The following PCDHGB1 variants were observed in gnomAD, a reference collection of about 807,000 sequenced individuals.
PCDHGB1 encodes protocadherin gamma-B1.
PCDHGB1 carries 34 observed loss-of-function variants against 56.6 expected under a neutral mutation model. The ratio of observed to expected loss-of-function variants is 0.60; its 90% CI spans 0.46 to 0.80. PCDHGB1 has a LOEUF of 0.80. Ranked by LOEUF, PCDHGB1 falls within the 30% of genes least tolerant of loss-of-function variation. The pLI, the probability that PCDHGB1 is intolerant of heterozygous loss-of-function variation, is 0.00. For synonymous variants in PCDHGB1, 561 were observed against 505.9 expected (o/e 1.11, Z -1.46); for missense variants, 1,278 against 1,204.6 (o/e 1.06, Z -0.90).
chr5:141,432,561 A>C lies in PCDHGB1; in HGVS notation c.2410-62246A>C, dbSNP rs746684751. On this transcript the variant is annotated intron_variant, in intron 1 of 3. Transcript: ENST00000523390. This position sits in a 1 kb window ranked among gnomAD's most constrained non-coding sequence, Gnocchi z 6.0. Reference sequence around the variant, plus strand: ...GCGGTGGACAGAGACTCCGGCCAGAACGCCTGGCTGTCCTACCGTCTGCTC... The same window carrying C: ...GCGGTGGACAGAGACTCCGGCCAGACCGCCTGGCTGTCCTACCGTCTGCTC... 37 of 1,613,308 alleles carry C rather than the reference A, an allele frequency of 2.3e-5. 1 individual carries two copies. The highest frequency in any genetic ancestry group is 2.7e-5 in the African/African-American group (2 of 74,712).
chr5:141,395,420 T>A, intron 1 of PCDHGB1: 1 of 771,734 alleles, frequency 1.3e-6, no homozygotes, highest in Non-Finnish European at 2.0e-6. Flanking sequence ...ATTGTTTCAT[T>A]TGCTTTTAAA....
intron 3 of PCDHGB1, among the ~76,000 whole-genome samples, chr5:141,510,375 G>A (rs980966602): frequency 3.4e-5 from 5 of 148,132 alleles, no homozygotes; most frequent in East Asian, 2.0e-4. Context: ...ATCTCTACTC[G>A]TGCCAGGCCT....
rs577323909 is a variant in PCDHGB1 at position 141,419,160 on chromosome 5, C to G, written c.2409+66491C>G. 13 of 1,613,956 alleles carry G rather than the reference C, an allele frequency of 8.1e-6. 1 individual carries two copies. In the South Asian group the frequency reaches 1.4e-4, roughly 18 times the overall value. On this transcript the variant is annotated intron_variant, in intron 1 of 3. Coordinates refer to ENST00000523390, the MANE Select transcript of PCDHGB1 (RefSeq NM_018922.3). ...GACAGGGGCAAGCCTCCGTTATCCT[C>G]CAGCAAAACCATAACCCTGCACATT...
intron 1 of PCDHGB1, among the ~76,000 whole-genome samples, chr5:141,474,726 A>G (rs549082085): frequency 6.6e-6 from 1 of 152,358 alleles, no homozygotes; most frequent in South Asian, 2.1e-4. Flanking sequence ...AAAGGACTCT[A>G]TGCAATCAAA....
chr5:141,478,633 TGATGAA>T, intron 1 of PCDHGB1: 4 of 1,553,032 alleles, frequency 2.6e-6, no homozygotes, highest in Non-Finnish European at 3.5e-6. Flanking sequence ...GTTTTTTTAG[TGATGAA>T]GATGTTTTCC....
Position 141,476,387 on chromosome 5 carries a change from C to G in PCDHGB1, c.2410-18420C>G, listed in dbSNP as rs147660262. Reference sequence around the variant, plus strand: ...GACCGGAGAGATGTTTGTGAACGACCGTCTGGATCGAGAGGAGCTGTGTGG... The same window carrying G: ...GACCGGAGAGATGTTTGTGAACGACGGTCTGGATCGAGAGGAGCTGTGTGG... On this transcript the variant is annotated intron_variant, in intron 1 of 3. Coordinates refer to ENST00000523390, the MANE Select transcript of PCDHGB1 (RefSeq NM_018922.3). The surrounding 1 kb of genome is among the most constrained non-coding windows in gnomAD (Gnocchi z 7.6). 3.6e-4 allele frequency: 587 copies of G among 1,614,076 alleles called. No individual in the cohort carries two copies. The highest frequency in any genetic ancestry group is 4.7e-4 in the Non-Finnish European group (549 of 1,180,024).
In PCDHGB1 at chr5:141,432,866, G is replaced by C. The variant is rs139832920; in HGVS notation, c.2410-61941G>C. 8 of 1,614,152 alleles carry C rather than the reference G, an allele frequency of 5.0e-6. No individual in the cohort carries two copies. Among genetic ancestry groups the C allele is most frequent in the South Asian group, 2.2e-5 (2 of 91,074 alleles). On this transcript the variant is annotated intron_variant, in intron 1 of 3. Coordinates refer to ENST00000523390, the MANE Select transcript of PCDHGB1 (RefSeq NM_018922.3). The surrounding 1 kb of genome is among the most constrained non-coding windows in gnomAD (Gnocchi z 6.0). ...GGTAGCGGTGGCCGCGGTCTCCTGC[G>C]TCTTCCTGGCCTTCGTCATCTTGCT...
At chr5:141,382,833 C>T (rs1017641917) in intron 1 of PCDHGB1, 11 of 1,423,922 alleles carry the variant, frequency 7.7e-6, no homozygotes, top group South Asian at 1.4e-5. Flanking sequence ...GAGGGGTCCA[C>T]CCGGATACAC....
intron 1 of PCDHGB1, chr5:141,370,272 A>G: frequency 1.3e-6 from 1 of 794,346 alleles, no homozygotes; most frequent in Non-Finnish European, 1.9e-6. Context: ...TGCAGCGGAG[A>G]CACCCATTAG....
At chr5:141,397,507 T>C (rs2093532297) in intron 1 of PCDHGB1, among the ~76,000 whole-genome samples, 1 of 152,222 alleles carries the variant, frequency 6.6e-6, no homozygotes, top group Non-Finnish European at 1.5e-5. Flanking sequence ...GATAAAATTG[T>C]TTCCATAGCT....
At chr5:141,414,870 G>T in intron 1 of PCDHGB1, 1 of 1,614,224 alleles carries the variant, frequency 6.2e-7, no homozygotes, top group Non-Finnish European at 8.5e-7. Flanking sequence ...ATGCGCCCGA[G>T]ATCCTGTACC....
At chr5:141,497,203 G>C (rs750138875) in intron 2 of PCDHGB1, among the ~76,000 whole-genome samples, 3 of 91,718 alleles carry the variant, frequency 3.3e-5, no homozygotes, top group African/African-American at 2.8e-4. Flanking sequence ...AACAATGTGA[G>C]TGTAATGGGG....
At chr5:141,376,518 T>G in intron 1 of PCDHGB1, 1 of 1,613,924 alleles carries the variant, frequency 6.2e-7, no homozygotes, top group Non-Finnish European at 8.5e-7. Context: ...GTGAGTTTCT[T>G]TCCGCCTAAG....
chr5:141,372,340 G>C, intron 1 of PCDHGB1: 1 of 1,613,790 alleles, frequency 6.2e-7, no homozygotes, highest in Non-Finnish European at 8.5e-7. Flanking sequence ...GTGCGTGATG[G>C]AGGACAGCAG....
At chr5:141,478,832 G>A in intron 1 of PCDHGB1, 1 of 1,435,464 alleles carries the variant, frequency 7.0e-7, no homozygotes, top group South Asian at 1.5e-5. Context: ...TCTTGCTAAG[G>A]GATGGTTAAG....
chr5:141,403,616 C>T (rs2094434764), intron 1 of PCDHGB1: 1 of 1,613,774 alleles, frequency 6.2e-7, no homozygotes, highest in South Asian at 1.1e-5. Flanking sequence ...CGAGCCGCGT[C>T]GCTCCAGCAC....
intron 1 of PCDHGB1, chr5:141,375,049 G>C (rs1176998287): frequency 1.2e-6 from 2 of 1,614,010 alleles, no homozygotes; most frequent in Non-Finnish European, 1.7e-6. Context: ...TTGAAGCCCG[G>C]GATGGGCCAG....
rs1270557106 is a variant in PCDHGB1, at chr5:141,351,815, G to A, written c.1555G>A (p.Glu519Lys). Residue 519 changes from glutamate (E) to lysine (K), a missense_variant, in exon 1 of 4, where the codon GAG becomes AAG. Transcript: ENST00000523390. ...GTTCGCGCAGCGCGCCTTCGACCAC[G>A]AGCAGCTGCGCGCCTTCGAGCTCAC... Reference protein sequence around the residue: ...VVFAQRAFDHEQLRAFELTLQ... With the variant: ...VVFAQRAFDHKQLRAFELTLQ... The A allele has an allele frequency of 1.2e-6, 2 of 1,613,116 alleles. No individual in the cohort carries two copies. Among genetic ancestry groups the A allele is most frequent in the East Asian group, 2.2e-5 (1 of 44,880 alleles).
Position 141,351,815 on chromosome 5 carries a change from G to C in PCDHGB1, c.1555G>C (p.Glu519Gln). 6.2e-7 allele frequency: 1 copy of C among 1,613,234 alleles called. No individual in the cohort carries two copies. Among genetic ancestry groups the C allele is most frequent in the Non-Finnish European group, 8.5e-7 (1 of 1,179,850 alleles). ...GTTCGCGCAGCGCGCCTTCGACCAC[G>C]AGCAGCTGCGCGCCTTCGAGCTCAC... ...VVFAQRAFDH[E>Q]QLRAFELTLQ... The change falls in exon 1 of 4, where the codon GAG becomes CAG. Residue 519 changes from glutamate to glutamine, a missense_variant. By Grantham distance (29) the Glu-to-Gln change is conservative. Transcript: ENST00000523390.
Sources: gnomAD v4.1 joint callset for allele counts (sites outside exome capture counted in the v4.1 genomes callset) on GRCh38, gnomAD v4.1.1 for gene constraint, Gnocchi (gnomAD v3.1) non-coding constraint, MANE v1.5 for transcripts, NCBI Gene and HGNC (gene_info 2026-07-23, HGNC 2026-07-21) for gene names.